The following PPP1R21 variants were observed in gnomAD, a reference collection of about 807,000 sequenced individuals.
PPP1R21 encodes KLRAQ motif containing 1.
A neutral mutation model predicts 112.8 loss-of-function variants in PPP1R21; 85 were observed. The ratio of observed to expected loss-of-function variants is 0.75; its 90% CI spans 0.63 to 0.90. The LOEUF is 0.90. Ranked by LOEUF, PPP1R21 falls within the 40% of genes least tolerant of loss-of-function variation. The pLI is 0.00. For synonymous variants in PPP1R21, 381 were observed against 322.3 expected, an observed-to-expected ratio of 1.18 and a Z score of -1.95; for missense variants, 1,199 against 901.5, an observed-to-expected ratio of 1.33 and a Z score of -4.23.
intron 13 of PPP1R21, among the ~76,000 whole-genome samples, chr2:48,484,135 T>A (rs1017256554): frequency 6.6e-6 from 1 of 152,192 alleles, no homozygotes; most frequent in African/African-American, 2.4e-5. Flanking sequence ...CCCCAAGATA[T>A]AAGCCCTGCG....
chr2:48,477,087 C>T (rs1197875341), intron 12 of PPP1R21, among the ~76,000 whole-genome samples: 2 of 147,758 alleles, frequency 1.4e-5, no homozygotes, highest in African/African-American at 4.9e-5. Context: ...CTCTTACTTA[C>T]ACTTAGGTTT....
intron 16 of PPP1R21, among the ~76,000 whole-genome samples, chr2:48,497,157 A>G (rs1397368251): frequency 2.0e-5 from 3 of 152,150 alleles, no homozygotes; most frequent in Admixed American, 6.5e-5. Flanking sequence ...TGAGCTCACA[A>G]TCTGTGGGAT....
rs751027468 is a variant in PPP1R21, at chr2:48,459,897, G to T, written c.519G>T (p.Gln173His). The change falls in exon 5 of 22, where the codon CAG (glutamine) becomes CAT (histidine). Residue 173 changes from glutamine (Q) to histidine (H), a missense_variant. Transcript: ENST00000294952. Reference protein sequence around the residue: ...RKYMETIEKLQNDKAKLEVKS... With the variant: ...RKYMETIEKLHNDKAKLEVKS... ...ACATGGAAACCATTGAGAAGCTGCA[G>T]AACGACAAGGCTAAACTAGAAGTAA... 18 of 1,613,968 alleles carry T rather than the reference G, an allele frequency of 1.1e-5. 1 individual carries two copies. The South Asian group carries it at 1.5e-4, about 14-fold the overall frequency.
At position 48,481,656 on chromosome 2, in the gene PPP1R21, C is replaced by A. The variant is rs552780208; in HGVS notation, c.1318+1640C>A. On this transcript the variant is annotated intron_variant, in intron 13 of 21. Transcript: ENST00000294952. ...ATTTTGGGAAGCTGAGTGGGAAGAT[C>A]ACTTGAGCCCAAGAATTTGAGACTA... Among the ~76,000 whole-genome samples the A allele has an allele frequency of 2.0e-4, 30 of 152,232 alleles. No homozygotes were observed. The South Asian group carries it at 6.2e-3, about 32-fold the overall frequency.
At chr2:48,503,008 T>G (rs1002702564) in intron 17 of PPP1R21, among the ~76,000 whole-genome samples, 3 of 152,116 alleles carry the variant, frequency 2.0e-5, no homozygotes, top group Non-Finnish European at 4.4e-5. Context: ...TCTGTAACAT[T>G]TCAAGAGTTA....
chr2:48,442,387 A>G (rs147648281), intron 1 of PPP1R21, among the ~76,000 whole-genome samples: 5 of 152,234 alleles, frequency 3.3e-5, no homozygotes, highest in African/African-American at 7.2e-5. Context: ...GGCCATTACA[A>G]ATGGCAAGAG....
At chr2:48,499,139 G>A (rs945509473) in intron 17 of PPP1R21, among the ~76,000 whole-genome samples, 120 of 144,870 alleles carry the variant, frequency 8.3e-4, no homozygotes, top group Non-Finnish European at 1.3e-3. Context: ...GGGTGGGGGG[G>A]GACACAAACA....
chr2:48,461,622 A>C (rs1382350475), intron 7 of PPP1R21, among the ~76,000 whole-genome samples: 1 of 152,182 alleles, frequency 6.6e-6, no homozygotes, highest in Non-Finnish European at 1.5e-5. Context: ...CCCTTGGTCA[A>C]TTCCCAGCAA....
At chr2:48,501,459 T>A (rs763326611) in intron 17 of PPP1R21, among the ~76,000 whole-genome samples, 4 of 152,164 alleles carry the variant, frequency 2.6e-5, no homozygotes, top group African/African-American at 9.7e-5. Flanking sequence ...AGTCAGTCAG[T>A]CAGTCCTCAC....
At chr2:48,493,630 A>C (rs1175890280) in intron 15 of PPP1R21, among the ~76,000 whole-genome samples, 1 of 152,124 alleles carries the variant, frequency 6.6e-6, no homozygotes, top group Non-Finnish European at 1.5e-5. Flanking sequence ...TTGGATCTTT[A>C]ATTCATCCAG....
intron 12 of PPP1R21, among the ~76,000 whole-genome samples, chr2:48,475,590 G>A (rs1668715880): frequency 6.6e-6 from 1 of 152,164 alleles, no homozygotes; most frequent in Admixed American, 6.5e-5. Context: ...GCTCATGCCT[G>A]TAATCCCAGC....
chr2:48,452,104 C>T (rs931952563), intron 2 of PPP1R21, among the ~76,000 whole-genome samples: 29 of 152,192 alleles, frequency 1.9e-4, no homozygotes, highest in African/African-American at 6.5e-4. Flanking sequence ...TATTGTTTCA[C>T]CAAAATTGTT....
At position 48,468,299 on chromosome 2, in the gene PPP1R21, T is replaced by C. The variant is rs116349137; in HGVS notation, c.897+2657T>C. ...GATTAGCTCTTAGGATCATCATCGT[T>C]ATGTCTTACACATAGGAAGCCATCA... On this transcript the variant is annotated intron_variant, in intron 9 of 21. Coordinates refer to ENST00000294952, the MANE Select transcript of PPP1R21 (RefSeq NM_001135629.3). 3.0e-3 allele frequency among the ~76,000 whole-genome samples: 454 copies of C among 152,338 alleles called. 2 individuals carry two copies. Among genetic ancestry groups the C allele is most frequent in the Middle Eastern group, 0.014 (4 of 294 alleles).
At position 48,507,270 on chromosome 2, in the gene PPP1R21, T is replaced by G. The variant is rs1670424655; in HGVS notation, c.1970T>G (p.Val657Gly). 7 of 1,549,190 alleles carry G rather than the reference T, an allele frequency of 4.5e-6. No individual in the cohort carries two copies. Among genetic ancestry groups the G allele is most frequent in the Non-Finnish European group, 6.1e-6 (7 of 1,156,438 alleles). ...GTLTRTSDSE[V>G]PDVESREDLI... ...TATGTGTATTTGTGTTCTATTTAGG[T>G]TCCAGATGTGGAATCTCGTGAAGAC... Residue 657 changes from valine to glycine, a missense_variant and splice_region_variant, in exon 19 of 22, where the codon GTT becomes GGT. By Grantham distance (109) the Val-to-Gly change is moderately radical. Coordinates refer to ENST00000294952, the MANE Select transcript of PPP1R21 (RefSeq NM_001135629.3).
At chr2:48,501,459 T>G (rs763326611) in intron 17 of PPP1R21, among the ~76,000 whole-genome samples, 5 of 152,164 alleles carry the variant, frequency 3.3e-5, no homozygotes, top group African/African-American at 4.8e-5. Context: ...AGTCAGTCAG[T>G]CAGTCCTCAC....
intron 16 of PPP1R21, among the ~76,000 whole-genome samples, chr2:48,497,287 C>T (rs1669890719): frequency 6.6e-6 from 1 of 152,184 alleles, no homozygotes; most frequent in Non-Finnish European, 1.5e-5. Context: ...TTTGGGGTCA[C>T]AGAAGTCTTC....
At chr2:48,473,821 G>A (rs1213203494) in intron 11 of PPP1R21, among the ~76,000 whole-genome samples, 1 of 151,520 alleles carries the variant, frequency 6.6e-6, no homozygotes, top group Non-Finnish European at 1.5e-5. Flanking sequence ...TAAAAACCTT[G>A]TAATTAAGTT....
At chr2:48,456,208 G>A (rs1415236416) in intron 3 of PPP1R21, among the ~76,000 whole-genome samples, 3 of 151,386 alleles carry the variant, frequency 2.0e-5, no homozygotes, top group African/African-American at 4.9e-5. Flanking sequence ...CTCTAAGGTG[G>A]ATAATCTGGT....
rs1572906826 is a variant in PPP1R21 at position 48,514,900 on chromosome 2, T to G, written c.*156T>G. ...AGTGTTGGAAACGGCCTTGAAATAT[T>G]TAAAACATATTTGTAACCAGTGAGG... On this transcript the variant is annotated 3_prime_UTR_variant, in exon 22 of 22. Transcript: ENST00000294952. 4.6e-6 allele frequency: 3 copies of G among 646,058 alleles called. No homozygotes were observed. In the Admixed American group the frequency reaches 9.4e-5, roughly 20 times the overall value. 40.0% of individuals were successfully genotyped at this position (646,058 alleles called of 1,614,324 possible).
Sources: allele counts gnomAD v4.1 joint callset (sites outside exome capture counted in the v4.1 genomes callset), GRCh38; gene constraint gnomAD v4.1.1; transcripts MANE v1.5; gene names NCBI Gene and HGNC (gene_info 2026-07-23, HGNC 2026-07-21).